Variants in ABCC3 observed in about 807,000 individuals in gnomAD.
ABCC3 encodes ATP-binding cassette sub-family C member 3.
A neutral mutation model predicts 165.3 loss-of-function variants in ABCC3; 121 were observed. The observed-to-expected ratio is 0.73, with a 90% CI of 0.63 to 0.85. The LOEUF (loss-of-function observed/expected upper bound fraction) is 0.85. Ranked by LOEUF, ABCC3 falls within the 40% of genes least tolerant of loss-of-function variation. The probability of loss-of-function intolerance (pLI) is 0.00; values close to 1 mark genes in which losing one functional copy is unlikely to be tolerated. For missense variants in ABCC3, 1,869 were observed against 1,964.1 expected, an observed-to-expected ratio of 0.95 and a Z score of 0.92; for synonymous variants, 733 against 810.1, an observed-to-expected ratio of 0.90 and a Z score of 1.62.
chr17:50,670,794 G>A (rs188576617), intron 17 of ABCC3, among the ~76,000 whole-genome samples: 57 of 152,240 alleles, frequency 3.7e-4, no homozygotes, highest in African/African-American at 1.3e-3. Flanking sequence ...TGGGGTCTTG[G>A]AGTTCTCTGG....
intron 1 of ABCC3, among the ~76,000 whole-genome samples, chr17:50,646,850 G>A (rs907981216): frequency 6.6e-6 from 1 of 152,196 alleles, no homozygotes; most frequent in African/African-American, 2.4e-5. Context: ...CCTGGGTCAA[G>A]ATCACACAGC....
At chr17:50,685,665 T>C (rs1364400559) in intron 29 of ABCC3, among the ~76,000 whole-genome samples, 3 of 152,198 alleles carry the variant, frequency 2.0e-5, no homozygotes, top group Non-Finnish European at 4.4e-5. Flanking sequence ...ACAGAATGTC[T>C]CAATTTGGAC....
chr17:50,654,888 C>T (rs1201832533), intron 1 of ABCC3, among the ~76,000 whole-genome samples: 1 of 145,416 alleles, frequency 6.9e-6, no homozygotes, highest in African/African-American at 2.6e-5. Context: ...GTCAAGAGAT[C>T]GAGACCATCC....
At chr17:50,663,641 G>A in intron 8 of ABCC3, 40 bp from the exon 9 acceptor site, 2 of 1,606,244 alleles carry the variant, frequency 1.2e-6, no homozygotes, top group Non-Finnish European at 1.7e-6. Flanking sequence ...GCAGCCATGG[G>A]GGCAGCACTG....
Position 50,676,514 on chromosome 17 carries a change from G to A in ABCC3, c.3304G>A (p.Val1102Met). 1.2e-6 allele frequency: 2 copies of A among 1,613,518 alleles called. No individual in the cohort carries two copies. Among genetic ancestry groups the A allele is most frequent in the South Asian group, 1.1e-5 (1 of 91,038 alleles). Residue 1102 changes from valine to methionine, a missense_variant, in exon 23 of 31, where the codon GTG (valine) becomes ATG (methionine). By Grantham distance (21) the Val-to-Met change is conservative. Coordinates refer to ENST00000285238, the MANE Select transcript of ABCC3 (RefSeq NM_003786.4). ...NSFFNAISTLVVIMASTPLFT... is the reference protein window; with the variant it reads ...NSFFNAISTLMVIMASTPLFT... ...CTTCTTCAACGCCATCTCCACTCTTGTGGTCATCATGGCCAGCACGCCGCT... is the reference window on the plus strand; with the variant it reads ...CTTCTTCAACGCCATCTCCACTCTTATGGTCATCATGGCCAGCACGCCGCT...
intron 17 of ABCC3, among the ~76,000 whole-genome samples, chr17:50,670,234 C>T (rs1257766418): frequency 6.6e-6 from 1 of 152,078 alleles, no homozygotes; most frequent in Non-Finnish European, 1.5e-5. Context: ...GGGTGCGCAC[C>T]ACCACACTTG....
chr17:50,690,614 G>GAGCAGCAGC (rs768620573), intron 30 of ABCC3, among the ~76,000 whole-genome samples: 28 of 152,086 alleles, frequency 1.8e-4, no homozygotes, highest in Admixed American at 4.6e-4. Flanking sequence ...GAGACCCACC[G>GAGCAGCAGC]AGCAGCAGCA....
chr17:50,657,474 A>G (rs1294159295), intron 4 of ABCC3, among the ~76,000 whole-genome samples: 2 of 152,262 alleles, frequency 1.3e-5, no homozygotes, highest in African/African-American at 2.4e-5. Flanking sequence ...GGTGTCAGTC[A>G]GTGCCTGTGT....
At position 50,664,289 on chromosome 17, in the gene ABCC3, C is replaced by T. The variant is rs2146615999; in HGVS notation, c.1338+178C>T. 3 of 738,856 alleles carry T rather than the reference C, an allele frequency of 4.1e-6. No individual in the cohort carries two copies. The South Asian group carries it at 5.5e-5, about 14-fold the overall frequency. The allele number at this position is 738,856 out of a possible 1,614,324, so 45.8% of individuals were successfully genotyped here. Reference sequence around the variant, plus strand: ...TGGCTGCAGTGCGCCACGATTGTGCCTGCGAATAGCCACCACACTCCAGCC... The same window carrying T: ...TGGCTGCAGTGCGCCACGATTGTGCTTGCGAATAGCCACCACACTCCAGCC... On this transcript the variant is annotated intron_variant, in intron 10 of 30. Coordinates refer to ENST00000285238, the MANE Select transcript of ABCC3 (RefSeq NM_003786.4).
Position 50,677,880 on chromosome 17 carries a change from T to A in ABCC3, c.3515T>A (p.Ile1172Asn). The A allele has an allele frequency of 6.2e-7, 1 of 1,614,114 alleles. No individual in the cohort carries two copies. The highest frequency in any genetic ancestry group is 2.2e-5 in the East Asian group (1 of 44,880). The change falls in exon 24 of 31, where the codon ATC becomes AAC. Residue 1172 changes from isoleucine (I) to asparagine (N), a missense_variant. By Grantham distance (149) the Ile-to-Asn change is moderately radical (BLOSUM62 -3). Coordinates refer to ENST00000285238, the MANE Select transcript of ABCC3 (RefSeq NM_003786.4). ...TACAACCGCAGCCGGGATTTTGAGATCATCAGTGATACTAAGGTGGATGCC... is the reference window on the plus strand; with the variant it reads ...TACAACCGCAGCCGGGATTTTGAGAACATCAGTGATACTAAGGTGGATGCC... ...RAYNRSRDFE[I>N]ISDTKVDANQ...
intron 7 of ABCC3, 33 bp downstream of exon 7, chr17:50,659,401 C>T (rs760900623): frequency 3.8e-6 from 6 of 1,586,496 alleles, no homozygotes; most frequent in African/African-American, 1.3e-5. Flanking sequence ...ACACCCAGCC[C>T]CTTCGCTTAC....
At chr17:50,652,772 T>G (rs1192243756) in intron 1 of ABCC3, among the ~76,000 whole-genome samples, 1 of 152,250 alleles carries the variant, frequency 6.6e-6, no homozygotes, top group African/African-American at 2.4e-5. Flanking sequence ...TGCCTGAGGC[T>G]TTTAACTGGA....
Position 50,687,749 on chromosome 17 carries a change from A to G in ABCC3, c.4475+19A>G, listed in dbSNP as rs1222048314. ...ACACCAGGTGGGACACGGAAACCTG[A>G]GCAATGGGGAACCTGGTGGGGCCAC... On this transcript the variant is annotated intron_variant, in intron 30 of 30. Coordinates refer to ENST00000285238, the MANE Select transcript of ABCC3 (RefSeq NM_003786.4). The G allele has an allele frequency of 6.2e-7, 1 of 1,607,236 alleles. No homozygotes were observed. The highest frequency in any genetic ancestry group is 8.5e-7 in the Non-Finnish European group (1 of 1,174,184).
In ABCC3 at chr17:50,676,444, C is replaced by T. The variant is rs757430339; in HGVS notation, c.3234C>T (p.Val1078=). ...ACTGCTTCTCCAAGGACATCTATGT[C>T]GTTGATGAGGTTCTGGCCCCTGTCA... ...ILNCFSKDIY[V]VDEVLAPVIL... is the part of the protein sequence containing the mutation. The change falls in exon 23 of 31, where the codon GTC becomes GTT. Residue 1078 remains valine, a synonymous_variant. Transcript: ENST00000285238. The T allele has an allele frequency of 3.7e-6, 6 of 1,614,082 alleles. No individual in the cohort carries two copies. The African/African-American group carries it at 5.3e-5, about 14-fold the overall frequency.
rs978930307 is a variant in ABCC3, at chr17:50,673,114, G to A, written c.2385G>A (p.Gly795=). 6.2e-6 allele frequency: 10 copies of A among 1,613,912 alleles called. No homozygotes were observed. Among genetic ancestry groups the A allele is most frequent in the African/African-American group, 1.3e-5 (1 of 74,924 alleles). Residue 795 remains glycine, a synonymous_variant, in exon 18 of 31, where the codon GGG becomes GGA. Coordinates refer to ENST00000285238, the MANE Select transcript of ABCC3 (RefSeq NM_003786.4). ...VAKHIFDHVI[G]PEGVLAGKTR... Reference sequence around the variant, plus strand: ...AGCACATCTTTGACCACGTCATCGGGCCAGAAGGCGTGCTGGCAGGCAAGG... The same window carrying A: ...AGCACATCTTTGACCACGTCATCGGACCAGAAGGCGTGCTGGCAGGCAAGG...
rs779689378 is a variant in ABCC3, at chr17:50,687,960, C to CT, written c.4475+242dup. ...CATTTTCATTTTTCTTCTTCTTCTT[C>CT]TTTTTTTTTTTTGAGACAGAGTTTT... On this transcript the variant is annotated intron_variant, in intron 30 of 30. Transcript: ENST00000285238. Among the ~76,000 whole-genome samples, 1,024 of 144,688 alleles carry CT rather than the reference C, an allele frequency of 7.1e-3. 6 individuals carry two copies. Among genetic ancestry groups the CT allele is most frequent in the Non-Finnish European group, 8.9e-3 (589 of 65,866 alleles). The allele number at this position is 144,688 out of a possible 152,430, so 94.9% of individuals were successfully genotyped here.
chr17:50,668,318 G>C (rs1967569923), intron 13 of ABCC3, 112 bp from the exon 14 acceptor site: 1 of 873,832 alleles, frequency 1.1e-6, no homozygotes, highest in Admixed American at 2.1e-5. Context: ...CAGTGCTAGT[G>C]TCTGGGCCCT....
intron 1 of ABCC3, among the ~76,000 whole-genome samples, chr17:50,638,400 C>T (rs1030056658): frequency 3.3e-5 from 5 of 152,154 alleles, no homozygotes; most frequent in Admixed American, 2.0e-4. Flanking sequence ...TGGCAAGGAC[C>T]GCCTGAGAAG....
chr17:50,636,058 C>T (rs1259237189), intron 1 of ABCC3: 3 of 153,882 alleles, frequency 1.9e-5, no homozygotes, highest in African/African-American at 7.2e-5. Flanking sequence ...TTACTTGCCT[C>T]TATGAGGCAA....
Sources: allele counts gnomAD v4.1 joint callset (sites outside exome capture counted in the v4.1 genomes callset), GRCh38; gene constraint gnomAD v4.1.1; transcripts MANE v1.5; gene names NCBI Gene and HGNC (gene_info 2026-07-23, HGNC 2026-07-21).